The following LAMB4 variants were observed in gnomAD, a reference collection of about 807,000 sequenced individuals.
The protein encoded by LAMB4 is laminin subunit beta 4, also known as laminin subunit beta-4.
In LAMB4, 196 loss-of-function variants were observed where a neutral mutation model predicts 199.2. The observed-to-expected ratio is 0.98, with a 90% confidence interval of 0.88 to 1.11. The LOEUF (loss-of-function observed/expected upper bound fraction) is 1.11, where lower values mean the gene tolerates loss of function less well. Ranked by LOEUF, LAMB4 falls within the 50% of genes least tolerant of loss-of-function variation. LAMB4 has a pLI of 0.00. For missense variants in LAMB4, 2,080 were observed against 2,171.2 expected (o/e 0.96, Z 0.83); for synonymous variants, 744 against 770.6 (o/e 0.97, Z 0.57).
rs541448752 is a variant in LAMB4 at position 108,028,855 on chromosome 7, C to G, written c.5146+188G>C. The stretch of plus-strand genomic sequence containing the variant: ...GCAAGGCAGATGCTCATTAACCTTT[C>G]TAGGCAAATCCATGCAAGAGGCTTG... On this transcript the variant is annotated intron_variant, in intron 33 of 33. Transcript: ENST00000388781. 1.8e-4 allele frequency among the ~76,000 whole-genome samples: 28 copies of G among 152,294 alleles called. No individual in the cohort carries two copies. In the South Asian group the frequency reaches 5.8e-3, roughly 32 times the overall value.
At chr7:108,092,708 C>A (rs898977978) in intron 12 of LAMB4, among the ~76,000 whole-genome samples, 4 of 152,080 alleles carry the variant, frequency 2.6e-5, no homozygotes, top group Non-Finnish European at 5.9e-5. Flanking sequence ...GAGTCTGAGA[C>A]CAGCCTGGCC....
chr7:108,102,934 AG>A, intron 10 of LAMB4, 109 bp downstream of exon 10: 1 of 854,736 alleles, frequency 1.2e-6, no homozygotes, highest in Non-Finnish European at 1.7e-6. Context: ...TCTCCAAAAT[AG>A]GGTAGTTTGG....
At chr7:108,024,713 T>C (rs1279563969) in intron 33 of LAMB4, among the ~76,000 whole-genome samples, 2 of 124,202 alleles carry the variant, frequency 1.6e-5, no homozygotes, top group Admixed American at 7.3e-5. Context: ...ATCGATCCAT[T>C]GATCCATCCA....
intron 4 of LAMB4, 94 bp from the exon 5 acceptor site, chr7:108,109,338 C>G: frequency 1.1e-6 from 1 of 892,198 alleles, no homozygotes; most frequent in Non-Finnish European, 1.8e-6. Flanking sequence ...GTAATAAAAT[C>G]TCTTTGATGC....
At chr7:108,035,638 G>T (rs1311548116) in intron 30 of LAMB4, among the ~76,000 whole-genome samples, 1 of 117,486 alleles carries the variant, frequency 8.5e-6, no homozygotes, top group Non-Finnish European at 1.8e-5. Context: ...AAAAACGTAA[G>T]AAGGGGAAAA....
intron 29 of LAMB4, among the ~76,000 whole-genome samples, chr7:108,041,661 G>C (rs922766620): frequency 6.6e-6 from 1 of 152,118 alleles, no homozygotes; most frequent in African/African-American, 2.4e-5. Flanking sequence ...ACCAAATACC[G>C]CATGTTCTCA....
rs781503192 is a variant in LAMB4 at position 108,034,286 on chromosome 7, T to C, written c.4740A>G (p.Gln1580=). 3.7e-6 allele frequency: 6 copies of C among 1,613,428 alleles called. No homozygotes were observed. The highest frequency in any genetic ancestry group is 5.1e-6 in the Non-Finnish European group (6 of 1,179,382). ...DKTLNQLQQA[Q]ITQGRANSTI... ...TAGAGTTTGCCCGTCCTTGAGTGAT[T>C]TGAGCTTGTTGTAACTGGTTCAATG... is the stretch of plus-strand genomic sequence containing the variant. Residue 1580 remains glutamine, a synonymous_variant, in exon 31 of 34, where the codon CAA becomes CAG. Transcript: ENST00000388781.
Position 108,065,801 on chromosome 7 carries a change from T to C in LAMB4, c.2797A>G (p.Ser933Gly). 6.2e-7 allele frequency: 1 copy of C among 1,614,120 alleles called. No homozygotes were observed. The highest frequency in any genetic ancestry group is 1.3e-5 in the African/African-American group (1 of 75,064). Residue 933 changes from serine (S) to glycine (G), a missense_variant, in exon 21 of 34, where the codon AGC becomes GGC. Ser to Gly is a moderately conservative substitution (Grantham distance 56, BLOSUM62 0). Coordinates refer to ENST00000388781, the MANE Select transcript of LAMB4 (RefSeq NM_007356.3). ...AGACAATTGCAGATTACATCTGAGCTCCACAGATTCTGATAACAGGAATGG... is the reference window on the plus strand; with the variant it reads ...AGACAATTGCAGATTACATCTGAGCCCCACAGATTCTGATAACAGGAATGG... ...FAHSCYQNLW[S>G]SDVICNCLQG...
At chr7:108,065,467 G>T (rs150400700) in intron 21 of LAMB4, among the ~76,000 whole-genome samples, 14 of 151,796 alleles carry the variant, frequency 9.2e-5, no homozygotes, top group African/African-American at 3.1e-4. Context: ...CTTACTTAAC[G>T]TGATAATTTT....
At chr7:108,126,109 G>A (rs2038768992) in intron 1 of LAMB4, among the ~76,000 whole-genome samples, 1 of 152,220 alleles carries the variant, frequency 6.6e-6, no homozygotes, top group African/African-American at 2.4e-5. Flanking sequence ...GAATCACACA[G>A]CTTGCCAATA....
At chr7:108,061,850 T>C (rs2036172163) in intron 23 of LAMB4, among the ~76,000 whole-genome samples, 1 of 152,080 alleles carries the variant, frequency 6.6e-6, no homozygotes, top group South Asian at 2.1e-4. Flanking sequence ...AGAACTACCT[T>C]CAAAAGACTT....
At chr7:108,061,071 G>A (rs2036144041) in intron 23 of LAMB4, among the ~76,000 whole-genome samples, 1 of 152,154 alleles carries the variant, frequency 6.6e-6, no homozygotes, top group South Asian at 2.1e-4. Flanking sequence ...GACTTCTCTG[G>A]TGTTTTCGGA....
intron 1 of LAMB4, among the ~76,000 whole-genome samples, chr7:108,127,755 C>G (rs1248569129): frequency 6.6e-6 from 1 of 152,214 alleles, no homozygotes; most frequent in Non-Finnish European, 1.5e-5. Context: ...CTGCCCTAAG[C>G]AACTCCCAAG....
At chr7:108,129,135 C>T (rs2038893842) in intron 1 of LAMB4, among the ~76,000 whole-genome samples, 1 of 152,296 alleles carries the variant, frequency 6.6e-6, no homozygotes, top group South Asian at 2.1e-4. Context: ...AAAGAGTTTA[C>T]TCTTTTTTGT....
intron 15 of LAMB4, 83 bp from the exon 16 acceptor site, chr7:108,078,399 G>C: frequency 1.1e-6 from 1 of 874,280 alleles, no homozygotes; most frequent in South Asian, 1.5e-5. Flanking sequence ...CTAATGGAAA[G>C]TGCATGGACT....
chr7:108,025,824 C>T (rs1636948), intron 33 of LAMB4, among the ~76,000 whole-genome samples: 9 of 152,126 alleles, frequency 5.9e-5, no homozygotes, highest in South Asian at 4.1e-4. Flanking sequence ...TGTTTGTACC[C>T]GGAAAGTTAA....
At position 108,091,668 on chromosome 7, in the gene LAMB4, G is replaced by A. The variant is rs746382554; in HGVS notation, c.1659C>T (p.Tyr553=). ...YFFAPLNFYL[Y]EAEEATTLQG... is the part of the protein sequence containing the mutation. ...GGAGTGTTGTGGCTTCCTCTGCCTC[G>A]TAGAGATAGAAATTCAAAGGAGCAA... Residue 553 remains tyrosine, a synonymous_variant, in exon 14 of 34, where the codon TAC becomes TAT. Coordinates refer to ENST00000388781, the MANE Select transcript of LAMB4 (RefSeq NM_007356.3). 2.4e-5 allele frequency: 38 copies of A among 1,614,010 alleles called. No homozygotes were observed. The highest frequency in any genetic ancestry group is 1.3e-4 in the East Asian group (6 of 44,896).
At chr7:108,031,747 C>T (rs2035047965) in intron 31 of LAMB4, among the ~76,000 whole-genome samples, 1 of 152,030 alleles carries the variant, frequency 6.6e-6, no homozygotes, top group African/African-American at 2.4e-5. Context: ...TTAATTTTTA[C>T]CAGTTTAAAG....
chr7:108,015,075 A>T, the LAMB4 span, among the ~76,000 whole-genome samples: 2 of 152,242 alleles, frequency 1.3e-5, no homozygotes, highest in South Asian at 2.1e-4. Context: ...CCTATCAGTC[A>T]TATCTAAATA....
Sources: allele counts gnomAD v4.1 joint callset (sites outside exome capture counted in the v4.1 genomes callset), GRCh38; gene constraint gnomAD v4.1.1; transcripts MANE v1.5; gene names NCBI Gene and HGNC (gene_info 2026-07-23, HGNC 2026-07-21).